Variants in PRDM10 observed in about 807,000 individuals in gnomAD.
PRDM10 encodes the protein PR domain zinc finger protein 10.
Under a neutral mutation model 133.1 loss-of-function variants are expected in PRDM10, and 65 were observed. That is an observed-to-expected ratio of 0.49 (90% CI 0.40 to 0.60). PRDM10 has a LOEUF of 0.60. Ranked by LOEUF, PRDM10 falls within the 20% of genes least tolerant of loss-of-function variation. The pLI is 0.00. For synonymous variants in PRDM10, 582 were observed against 580.4 expected (o/e 1.00, Z -0.04); for missense variants, 1,137 against 1,507.1 (o/e 0.75, Z 4.07).
At chr11:129,976,823 T>A (rs533600073) in intron 1 of PRDM10, among the ~76,000 whole-genome samples, 125 of 152,188 alleles carry the variant, frequency 8.2e-4, no homozygotes, top group African/African-American at 3.0e-3. Context: ...GATGAACAAA[T>A]AACAAAATAA....
At chr11:129,906,023 C>T (rs753034820) in intron 19 of PRDM10, among the ~76,000 whole-genome samples, 6 of 152,180 alleles carry the variant, frequency 3.9e-5, no homozygotes, top group African/African-American at 1.4e-4. Context: ...CCTTGAAATA[C>T]GTCACAAAGA....
At chr11:129,928,191 G>A (rs941623105) in intron 11 of PRDM10, among the ~76,000 whole-genome samples, 2 of 151,916 alleles carry the variant, frequency 1.3e-5, no homozygotes, top group African/African-American at 2.4e-5. Flanking sequence ...CTGCAGCCTC[G>A]ACCTCCTGGA....
chr11:129,925,136 C>T lies in PRDM10; in HGVS notation c.1624G>A (p.Asp542Asn), dbSNP rs746024525. Residue 542 changes from aspartate to asparagine, a missense_variant, in exon 12 of 21, where the codon GAC becomes AAC. Asp to Asn is a conservative substitution (Grantham distance 23, BLOSUM62 1). Transcript: ENST00000360871. ...GKAFREKDKLDQHLRFHGREG... is the reference protein window; with the variant it reads ...GKAFREKDKLNQHLRFHGREG... ...CGCCCATGGAAGCGTAAGTGCTGGT[C>T]CAGTTTGTCCTTTTCCCGGAAGGCC... 1 of 1,614,168 alleles carries T rather than the reference C, an allele frequency of 6.2e-7. No homozygotes were observed. The highest frequency in any genetic ancestry group is 1.7e-5 in the Admixed American group (1 of 60,022).
rs149412782 is a variant in PRDM10, at chr11:129,934,222, C to T, written c.1157+879G>A. On this transcript the variant is annotated intron_variant, in intron 9 of 20. Transcript: ENST00000360871. ...TGCAGCTGAATGAAGCTGGAGAAAA[C>T]GCACAGCCATGCTAGTGGGCTCACT... Among the ~76,000 whole-genome samples the T allele has an allele frequency of 1.6e-3, 249 of 152,342 alleles. 2 individuals carry two copies. Among genetic ancestry groups the T allele is most frequent in the Middle Eastern group, 6.8e-3 (2 of 294 alleles).
rs61913715 is a variant in PRDM10, at chr11:129,962,454, T to G, written c.-118-1372A>C. Among the ~76,000 whole-genome samples, 516 of 152,316 alleles carry G rather than the reference T, an allele frequency of 3.4e-3. 2 individuals carry two copies. The highest frequency in any genetic ancestry group is 6.3e-3 in the Non-Finnish European group (429 of 68,022). ...AACATTATCATTCTCATCCCCAAGC[T>G]GCAGCACCCCCCACCACACTTATTC... On this transcript the variant is annotated intron_variant, in intron 1 of 20. Transcript: ENST00000360871.
At chr11:129,924,010 GATAA>G (rs1950602033) in intron 12 of PRDM10, among the ~76,000 whole-genome samples, 1 of 152,220 alleles carries the variant, frequency 6.6e-6, no homozygotes, top group African/African-American at 2.4e-5. Flanking sequence ...CTTACTTTTA[GATAA>G]ATAAAGGAAT....
At position 129,918,747 on chromosome 11, in the gene PRDM10, G is replaced by C; in HGVS notation, c.2035-29C>G. 3 of 1,571,620 alleles carry C rather than the reference G, an allele frequency of 1.9e-6. No homozygotes were observed. The highest frequency in any genetic ancestry group is 2.6e-6 in the Non-Finnish European group (3 of 1,154,190). ...TTTGGAGAGTATTTTTGAAAACGGGGTAGACACGGGGGTAGAAAATTTTTA... is the reference window on the plus strand; with the variant it reads ...TTTGGAGAGTATTTTTGAAAACGGGCTAGACACGGGGGTAGAAAATTTTTA... On this transcript the variant is annotated intron_variant, in intron 13 of 20. Coordinates refer to ENST00000360871, the MANE Select transcript of PRDM10 (RefSeq NM_199437.2). The surrounding 1 kb of genome is among the most constrained non-coding windows in gnomAD (Gnocchi z 5.3).
chr11:130,001,852 G>A (rs1440314209), intron 1 of PRDM10, among the ~76,000 whole-genome samples: 2 of 151,986 alleles, frequency 1.3e-5, no homozygotes, highest in Non-Finnish European at 2.9e-5. Context: ...CAGGCGGACT[G>A]GGGCAGGGCC....
chr11:129,954,363 A>G (rs1022120518), intron 4 of PRDM10, among the ~76,000 whole-genome samples: 2 of 151,256 alleles, frequency 1.3e-5, no homozygotes, highest in African/African-American at 4.9e-5. Flanking sequence ...CCCAGGTTGA[A>G]GTGATTCTTG....
At chr11:129,915,079 C>A (rs1950314747) in intron 16 of PRDM10, 61 bp from the exon 17 acceptor site, 2 of 1,494,446 alleles carry the variant, frequency 1.3e-6, no homozygotes, top group South Asian at 1.3e-5. Flanking sequence ...CCGTTTTTCT[C>A]ATATGTAAAT....
chr11:129,939,063 C>T (rs980531664), intron 7 of PRDM10, among the ~76,000 whole-genome samples: 4 of 152,232 alleles, frequency 2.6e-5, no homozygotes, highest in African/African-American at 9.6e-5. Context: ...GTCAGCAGGG[C>T]CTTCCCCAAC....
chr11:129,980,454 G>T (rs1392534949), intron 1 of PRDM10, among the ~76,000 whole-genome samples: 1 of 152,032 alleles, frequency 6.6e-6, no homozygotes, highest in Non-Finnish European at 1.5e-5. Context: ...CACTCCTTTT[G>T]AGAATCTAAC....
intron 20 of PRDM10, among the ~76,000 whole-genome samples, chr11:129,903,262 C>T (rs924057397): frequency 1.3e-5 from 2 of 150,580 alleles, no homozygotes; most frequent in Admixed American, 6.6e-5. Context: ...CGTGCCATTG[C>T]ACTCAAGCCT....
chr11:129,955,628 C>T, intron 3 of PRDM10, 57 bp from the exon 4 acceptor site: 1 of 1,554,056 alleles, frequency 6.4e-7, no homozygotes, highest in Non-Finnish European at 8.8e-7. Flanking sequence ...CCTGCCTACA[C>T]AGAAAAATTA....
At chr11:129,921,364 GGAGT>G (rs1166781462) in intron 13 of PRDM10, among the ~76,000 whole-genome samples, 7 of 152,164 alleles carry the variant, frequency 4.6e-5, no homozygotes, top group African/African-American at 1.7e-4. Flanking sequence ...GTCAGGAGGA[GGAGT>G]GAGAGCAAGT....
At chr11:129,921,240 G>A (rs949457807) in intron 13 of PRDM10, among the ~76,000 whole-genome samples, 2 of 152,212 alleles carry the variant, frequency 1.3e-5, no homozygotes. Context: ...ACCAGCAAAA[G>A]GCCCTGTGGG....
chr11:129,944,846 C>T lies in PRDM10; in HGVS notation c.687G>A (p.Lys229=), dbSNP rs1351837328. The change falls in exon 6 of 21, where the codon AAG becomes AAA. Residue 229 remains lysine, a synonymous_variant. Transcript: ENST00000360871. ...GGVFSKRRIP[K]RTQFGPVEGP... ...CCTCCACGGGGCCAAACTGGGTGCG[C>T]TTGGGGATGCGCCGCTTGGAGAACA... 7 of 1,614,120 alleles carry T rather than the reference C, an allele frequency of 4.3e-6. No homozygotes were observed. The South Asian group carries it at 7.7e-5, about 18-fold the overall frequency.
At chr11:129,907,575 T>C (rs554722824) in intron 19 of PRDM10, among the ~76,000 whole-genome samples, 8 of 152,038 alleles carry the variant, frequency 5.3e-5, no homozygotes, top group African/African-American at 1.9e-4. Context: ...CAGCTAATTT[T>C]TGTATTTTCA....
intron 1 of PRDM10, among the ~76,000 whole-genome samples, chr11:129,978,811 A>G (rs1937934996): frequency 6.6e-6 from 1 of 152,178 alleles, no homozygotes. Flanking sequence ...ATCTTTCTTC[A>G]TGTTCACCCA....
Sources: gnomAD v4.1 joint callset for allele counts (sites outside exome capture counted in the v4.1 genomes callset) on GRCh38, gnomAD v4.1.1 for gene constraint, Gnocchi (gnomAD v3.1) non-coding constraint, MANE v1.5 for transcripts, NCBI Gene and HGNC (gene_info 2026-07-23, HGNC 2026-07-21) for gene names.